SLC39A11: variants seen among roughly 807,000 people sequenced by gnomAD.
SLC39A11 encodes the protein solute carrier family 39 member 11, also known as zinc transporter ZIP11.
Under a neutral mutation model 36.1 loss-of-function variants are expected in SLC39A11, and 33 were observed. The ratio of observed to expected loss-of-function variants is 0.91; its 90% CI spans 0.69 to 1.22. The LOEUF (loss-of-function observed/expected upper bound fraction) is 1.22, where lower values mean the gene tolerates loss of function less well. Ranked by LOEUF, SLC39A11 falls within the 50% of genes most tolerant of loss-of-function variation. The probability of loss-of-function intolerance (pLI) is 0.00; values close to 1 mark genes in which losing one functional copy is unlikely to be tolerated. For missense variants in SLC39A11, 432 were observed against 430.3 expected (o/e 1.00, Z -0.03); for synonymous variants, 166 against 170.3 (o/e 0.97, Z 0.20).
At chr17:73,089,275 ACTC>A (rs2060846662) in intron 1 of SLC39A11, among the ~76,000 whole-genome samples, 1 of 151,774 alleles carries the variant, frequency 6.6e-6, no homozygotes, top group African/African-American at 2.4e-5. Flanking sequence ...CAAAGGGTAA[ACTC>A]CACCAACCAA....
rs1360227396 is a variant in SLC39A11 at position 73,015,580 on chromosome 17, T to C, written c.306+15976A>G. On this transcript the variant is annotated intron_variant, in intron 4 of 9. Transcript: ENST00000255559. ...CACTTCTACAACAGGGAGGCGATTA[T>C]TTTTATTTTTATTATTTCTTTGAGA... 2.0e-5 allele frequency among the ~76,000 whole-genome samples: 3 copies of C among 152,074 alleles called. No homozygotes were observed. The East Asian group carries it at 5.8e-4, about 29-fold the overall frequency.
rs569100122 is a variant in SLC39A11, at chr17:72,846,018, C to CTTTTTTTTTTTTTTTT, written c.601+3600_601+3615dup. Among the ~76,000 whole-genome samples, 53 of 57,956 alleles carry CTTTTTTTTTTTTTTTT rather than the reference C, an allele frequency of 9.1e-4. 9 individuals are homozygous for CTTTTTTTTTTTTTTTT. Among genetic ancestry groups the CTTTTTTTTTTTTTTTT allele is most frequent in the Non-Finnish European group, 1.1e-3 (37 of 35,232 alleles). The allele number at this position is 57,956 out of a possible 152,430, so 38.0% of individuals were successfully genotyped here. Reference sequence around the variant, plus strand: ...CCAATGAATCTCTCTCTCTCTCTCTCTTTTTTTTTTTTTTTTTTTTTTTTT... The same window carrying CTTTTTTTTTTTTTTTT: ...CCAATGAATCTCTCTCTCTCTCTCTCTTTTTTTTTTTTTTTTTTTTTTTTTTTTTTTTTTTTTTTTT... On this transcript the variant is annotated intron_variant, in intron 6 of 9. Coordinates refer to ENST00000255559, the MANE Select transcript of SLC39A11 (RefSeq NM_139177.4).
In SLC39A11 at chr17:73,082,126, GA is replaced by G. The variant is rs1226809670; in HGVS notation, c.147+2681del. On this transcript the variant is annotated intron_variant, in intron 3 of 9. Transcript: ENST00000255559. ...AAAACCTACTGAAACTAAAAAAAAA[GA>G]AAAAAAAAAAAAAAAGGGCAAAAAT... Among the ~76,000 whole-genome samples the G allele has an allele frequency of 6.4e-3, 751 of 117,902 alleles. 6 individuals are homozygous for G. Among genetic ancestry groups the G allele is most frequent in the African/African-American group, 0.017 (499 of 30,172 alleles). The allele number at this position is 117,902 out of a possible 152,430, so 77.3% of individuals were successfully genotyped here.
chr17:72,871,056 G>GTTTTTTTTTTTTTT (rs34776144), intron 5 of SLC39A11, among the ~76,000 whole-genome samples: 3 of 124,310 alleles, frequency 2.4e-5, no homozygotes, highest in Non-Finnish European at 3.3e-5. Flanking sequence ...TTTTGTTTTT[G>GTTTTTTTTTTTTTT]TTTTTTTTTT....
intron 6 of SLC39A11, 118 bp downstream of exon 6, chr17:72,849,516 C>G: frequency 6.7e-6 from 7 of 1,051,088 alleles, no homozygotes; most frequent in Non-Finnish European, 9.2e-6. Flanking sequence ...CACCTTCACT[C>G]CTCTCCAAAA....
intron 7 of SLC39A11, among the ~76,000 whole-genome samples, chr17:72,718,296 G>C (rs1249872528): frequency 6.6e-6 from 1 of 152,094 alleles, no homozygotes; most frequent in Admixed American, 6.5e-5. Context: ...AAAATTACCT[G>C]GGCATAGTGG....
At chr17:72,920,343 C>CA (rs983375912) in intron 5 of SLC39A11, among the ~76,000 whole-genome samples, 3 of 150,816 alleles carry the variant, frequency 2.0e-5, no homozygotes, top group African/African-American at 7.3e-5. Flanking sequence ...TTATTTCCCC[C>CA]TTCCTCTTCT....
chr17:73,082,486 TTTTG>T (rs2060576588), intron 3 of SLC39A11, among the ~76,000 whole-genome samples: 1 of 152,144 alleles, frequency 6.6e-6, no homozygotes, highest in South Asian at 2.1e-4. Context: ...TTCTTTTTTG[TTTTG>T]TTTTTTTCTT....
At chr17:73,076,926 T>C (rs922107334) in intron 3 of SLC39A11, among the ~76,000 whole-genome samples, 14 of 151,796 alleles carry the variant, frequency 9.2e-5, no homozygotes, top group African/African-American at 3.4e-4. Flanking sequence ...GAGTCCTTTG[T>C]AGTTGTGATG....
intron 6 of SLC39A11, among the ~76,000 whole-genome samples, chr17:72,832,848 C>A (rs1371912321): frequency 6.6e-6 from 1 of 152,158 alleles, no homozygotes; most frequent in Non-Finnish European, 1.5e-5. Context: ...ATAAGGTATG[C>A]AACTGAAACG....
chr17:72,773,459 G>A (rs1455982436), intron 6 of SLC39A11, among the ~76,000 whole-genome samples: 2 of 151,934 alleles, frequency 1.3e-5, no homozygotes, highest in African/African-American at 4.8e-5. Flanking sequence ...CTTTTTCTTG[G>A]TTCTCATTCT....
intron 3 of SLC39A11, among the ~76,000 whole-genome samples, chr17:73,073,040 C>G (rs867990134): frequency 6.6e-6 from 1 of 152,116 alleles, no homozygotes; most frequent in Admixed American, 6.5e-5. Flanking sequence ...ATTAGCTGGA[C>G]GTGGTGGCAG....
intron 4 of SLC39A11, among the ~76,000 whole-genome samples, chr17:72,978,358 A>G (rs1015714740): frequency 6.6e-6 from 1 of 152,244 alleles, no homozygotes; most frequent in Non-Finnish European, 1.5e-5. Flanking sequence ...CCTGTCCTCA[A>G]GGAGCCTACA....
At chr17:73,085,943 A>C (rs886071468) in intron 2 of SLC39A11, among the ~76,000 whole-genome samples, 1 of 152,270 alleles carries the variant, frequency 6.6e-6, no homozygotes, top group African/African-American at 2.4e-5. Flanking sequence ...TACTACAGTT[A>C]CATCTTACAA....
At chr17:72,656,501 A>T (rs2143944148) in intron 7 of SLC39A11, among the ~76,000 whole-genome samples, 1 of 151,880 alleles carries the variant, frequency 6.6e-6, no homozygotes, top group East Asian at 1.9e-4. Flanking sequence ...GAGAGGAGAG[A>T]GGGAGCGTGG....
At chr17:72,945,875 T>A (rs2085401745) in intron 5 of SLC39A11, among the ~76,000 whole-genome samples, 1 of 152,190 alleles carries the variant, frequency 6.6e-6, no homozygotes, top group Non-Finnish European at 1.5e-5. Flanking sequence ...AATGTTTACC[T>A]TTTTTGACTG....
chr17:72,943,241 T>A (rs1423034780), intron 5 of SLC39A11, among the ~76,000 whole-genome samples: 1 of 152,056 alleles, frequency 6.6e-6, no homozygotes, highest in Non-Finnish European at 1.5e-5. Context: ...AGGAAAATCA[T>A]CTCCTGCAAG....
intron 4 of SLC39A11, among the ~76,000 whole-genome samples, chr17:73,005,605 G>GA (rs1486023132): frequency 6.6e-6 from 1 of 152,124 alleles, no homozygotes; most frequent in Admixed American, 6.5e-5. Context: ...GCCACCTAGG[G>GA]ACCTGCTCAC....
intron 6 of SLC39A11, among the ~76,000 whole-genome samples, chr17:72,845,037 CA>C (rs1234202799): frequency 1.3e-5 from 2 of 151,494 alleles, no homozygotes; most frequent in Non-Finnish European, 2.9e-5. Flanking sequence ...CCCTTCTCAC[CA>C]CATCCAGCAC....
Sources: allele counts gnomAD v4.1 joint callset (sites outside exome capture counted in the v4.1 genomes callset), GRCh38; gene constraint gnomAD v4.1.1; transcripts MANE v1.5; gene names NCBI Gene and HGNC (gene_info 2026-07-23, HGNC 2026-07-21).